The following LIN7A variants were observed in gnomAD, a reference collection of about 807,000 sequenced individuals.
LIN7A encodes the protein lin-7 cell polarity scaffold A, also known as protein lin-7 homolog A.
LIN7A carries 25 observed loss-of-function variants against 29.8 expected under a neutral mutation model. The ratio of observed to expected loss-of-function variants is 0.84; its 90% confidence interval spans 0.61 to 1.17. LIN7A has a LOEUF of 1.17. LIN7A is among the 50% of genes most tolerant of loss of function. The pLI is 0.00. For synonymous variants in LIN7A, 118 were observed against 107.5 expected, an observed-to-expected ratio of 1.10 and a Z score of -0.60; for missense variants, 239 against 287.0, an observed-to-expected ratio of 0.83 and a Z score of 1.21.
At chr12:80,864,122 A>G (rs984106678) in intron 2 of LIN7A, among the ~76,000 whole-genome samples, 2 of 152,148 alleles carry the variant, frequency 1.3e-5, no homozygotes, top group African/African-American at 2.4e-5. Context: ...ACAAAGTTAC[A>G]CTCATAAGTT....
intron 1 of LIN7A, among the ~76,000 whole-genome samples, chr12:80,907,113 G>A (rs548897323): frequency 4.2e-5 from 6 of 144,480 alleles, no homozygotes; most frequent in South Asian, 2.3e-4. Context: ...GATTAAATAA[G>A]AGAATACATG....
intron 1 of LIN7A, among the ~76,000 whole-genome samples, chr12:80,918,285 G>T (rs558011477): frequency 3.1e-4 from 47 of 151,768 alleles, no homozygotes; most frequent in African/African-American, 9.9e-4. Context: ...GAGCTCAAGC[G>T]ATCCTACCCA....
rs554571887 is a variant in LIN7A, at chr12:80,804,083, TTTTAA to T, written c.*1-6362_*1-6358del. ...CACTTTATTTTTAAATTTTTTTAAT[TTTTAA>T]TTTTTGTGGGTACATGATATATATA... On this transcript the variant is annotated intron_variant, in intron 5 of 5. Coordinates refer to ENST00000552864, the MANE Select transcript of LIN7A (RefSeq NM_004664.4). 9.8e-5 allele frequency among the ~76,000 whole-genome samples: 15 copies of T among 152,308 alleles called. No homozygotes were observed. The East Asian group carries it at 2.9e-3, about 29-fold the overall frequency.
chr12:80,839,533 T>C (rs1460542227), intron 4 of LIN7A, among the ~76,000 whole-genome samples: 1 of 152,246 alleles, frequency 6.6e-6, no homozygotes, highest in Non-Finnish European at 1.5e-5. Context: ...ACTGCCATCA[T>C]TGGAACATGC....
At chr12:80,880,958 T>C (rs913722827) in intron 2 of LIN7A, among the ~76,000 whole-genome samples, 7 of 152,194 alleles carry the variant, frequency 4.6e-5, no homozygotes, top group Non-Finnish European at 1.0e-4. Flanking sequence ...GTAGGTTCTA[T>C]CAAGTGAACA....
chr12:80,817,216 A>G (rs764366979), intron 4 of LIN7A, among the ~76,000 whole-genome samples: 1 of 152,216 alleles, frequency 6.6e-6, no homozygotes, highest in Non-Finnish European at 1.5e-5. Context: ...ATCATCCCTT[A>G]TAAGAGAGAA....
At chr12:80,827,511 C>A (rs1872137339) in intron 4 of LIN7A, among the ~76,000 whole-genome samples, 1 of 152,128 alleles carries the variant, frequency 6.6e-6, no homozygotes, top group Non-Finnish European at 1.5e-5. Flanking sequence ...ATGCATTACC[C>A]CATACATATT....
intron 4 of LIN7A, among the ~76,000 whole-genome samples, chr12:80,816,360 A>G (rs1283685459): frequency 1.3e-5 from 2 of 151,488 alleles, no homozygotes; most frequent in Admixed American, 6.6e-5. Flanking sequence ...GTGGGGAGCC[A>G]TGTTTGTGTC....
chr12:80,824,473 A>G (rs988224270), intron 4 of LIN7A, among the ~76,000 whole-genome samples: 2 of 152,182 alleles, frequency 1.3e-5, no homozygotes, highest in African/African-American at 2.4e-5. Flanking sequence ...TATTAACACT[A>G]TTCCACAAGA....
At chr12:80,933,233 T>G (rs1878012576) in intron 1 of LIN7A, among the ~76,000 whole-genome samples, 1 of 152,202 alleles carries the variant, frequency 6.6e-6, no homozygotes, top group Admixed American at 6.5e-5. Context: ...AGCTGATCTA[T>G]AGATTTTCTT....
intron 4 of LIN7A, among the ~76,000 whole-genome samples, chr12:80,821,813 A>G (rs1214198701): frequency 6.6e-6 from 1 of 152,184 alleles, no homozygotes; most frequent in African/African-American, 2.4e-5. Context: ...TCAGGGACCC[A>G]TGAAACCCCT....
intron 1 of LIN7A, chr12:80,935,656 T>C (rs1348072256): frequency 3.5e-6 from 1 of 284,026 alleles, no homozygotes; most frequent in African/African-American, 2.1e-5. Context: ...TTTATATATA[T>C]TGACTTTATG....
At chr12:80,840,267 G>A (rs1053928012) in intron 4 of LIN7A, among the ~76,000 whole-genome samples, 3 of 152,192 alleles carry the variant, frequency 2.0e-5, no homozygotes, top group Admixed American at 6.5e-5. Flanking sequence ...TATTAAACCA[G>A]CGAATTGGAA....
rs773829824 is a variant in LIN7A, at chr12:80,834,386, A to G, written c.483+11344T>C. 3.3e-5 allele frequency among the ~76,000 whole-genome samples: 5 copies of G among 152,330 alleles called. No homozygotes were observed. The South Asian group carries it at 1.0e-3, about 32-fold the overall frequency. On this transcript the variant is annotated intron_variant, in intron 4 of 5. Coordinates refer to ENST00000552864, the MANE Select transcript of LIN7A (RefSeq NM_004664.4). ...TTGGTGATAATAGGCACCTCTGTAA[A>G]TAGAAAACATGACTTCTCTTGAGAA...
At chr12:80,935,946 G>A (rs111921327) in intron 1 of LIN7A, 5,612 of 252,304 alleles carry the variant, frequency 0.022, 151 homozygotes, top group East Asian at 0.059. Context: ...ATTAGTAGTA[G>A]TGGTAGTATA....
intron 1 of LIN7A, among the ~76,000 whole-genome samples, chr12:80,905,503 T>C (rs1876432410): frequency 6.6e-6 from 1 of 152,148 alleles, no homozygotes; most frequent in African/African-American, 2.4e-5. Context: ...ATATATAATA[T>C]ATATGCTAAA....
intron 1 of LIN7A, among the ~76,000 whole-genome samples, chr12:80,929,293 A>G (rs928087260): frequency 6.6e-6 from 1 of 152,234 alleles, no homozygotes; most frequent in African/African-American, 2.4e-5. Context: ...AATGAAGGCT[A>G]CATTCATTTC....
At chr12:80,879,615 G>A (rs1483885953) in intron 2 of LIN7A, among the ~76,000 whole-genome samples, 1 of 121,104 alleles carries the variant, frequency 8.3e-6, no homozygotes, top group African/African-American at 2.9e-5. Flanking sequence ...TTTGCCTATG[G>A]GATAGCCCTG....
intron 1 of LIN7A, among the ~76,000 whole-genome samples, chr12:80,907,055 C>CTCTGTG (rs1555228957): frequency 0.015 from 2,182 of 145,274 alleles, 53 homozygotes; most frequent in East Asian, 0.099. Context: ...AGTGCGTGCT[C>CTCTGTG]TGTGTGTGTG....
Sources: allele counts gnomAD v4.1 joint callset (sites outside exome capture counted in the v4.1 genomes callset), GRCh38; gene constraint gnomAD v4.1.1; transcripts MANE v1.5; gene names NCBI Gene and HGNC (gene_info 2026-07-23, HGNC 2026-07-21).